The following PFKM variants were observed in gnomAD, a reference collection of about 807,000 sequenced individuals.
The protein encoded by PFKM is ATP-dependent 6-phosphofructokinase, muscle type.
In PFKM, 58 loss-of-function variants were observed where a neutral mutation model predicts 95.5. That is an observed-to-expected ratio of 0.61 (90% CI 0.49 to 0.76). The LOEUF is 0.76. Ranked by LOEUF, PFKM falls within the 30% of genes least tolerant of loss-of-function variation. PFKM has a pLI of 0.00. For synonymous variants in PFKM, 336 were observed against 357.2 expected, an observed-to-expected ratio of 0.94 and a Z score of 0.67; for missense variants, 678 against 1,005.4, an observed-to-expected ratio of 0.67 and a Z score of 4.40.
chr12:48,142,497 A>T, intron 17 of PFKM: 1 of 480,842 alleles, frequency 2.1e-6, no homozygotes. Flanking sequence ...CAGTACCCTG[A>T]ATACCAAATG....
At chr12:48,123,779 AGT>A (rs1217267471) in intron 2 of PFKM, among the ~76,000 whole-genome samples, 3 of 152,230 alleles carry the variant, frequency 2.0e-5, no homozygotes, top group African/African-American at 7.2e-5. Flanking sequence ...AGGAATTTAT[AGT>A]TTAATGAGGA....
At chr12:48,125,337 ATCGGCCAGGTGCAGT>A (rs1948718392) in intron 2 of PFKM, 1 of 449,466 alleles carries the variant, frequency 2.2e-6, no homozygotes, top group African/African-American at 2.0e-5. Flanking sequence ...ATGGGACGGG[ATCGGCCAGGTGCAGT>A]GGCTCACACC....
intron 1 of PFKM, 21 bp from the exon 2 acceptor site, chr12:48,122,746 G>T: frequency 6.2e-7 from 1 of 1,613,680 alleles, no homozygotes; most frequent in South Asian, 1.1e-5. Flanking sequence ...TGTCTTAACT[G>T]ACCATTGTCT....
intron 10 of PFKM, 163 bp from the exon 11 acceptor site, chr12:48,137,558 A>G: frequency 1.4e-6 from 1 of 738,346 alleles, no homozygotes; most frequent in South Asian, 1.6e-5. Flanking sequence ...CTTTAGATGA[A>G]ATCTGTTTGG....
chr12:48,131,585 G>A (rs879461145), intron 4 of PFKM, 192 bp downstream of exon 4: 2 of 637,040 alleles, frequency 3.1e-6, no homozygotes, highest in Non-Finnish European at 5.7e-6. Flanking sequence ...GGGGCAGGGA[G>A]AGGGTGGAGG....
intron 3 of PFKM, 63 bp from the exon 4 acceptor site, chr12:48,131,253 G>A (rs1703420535): frequency 1.7e-5 from 19 of 1,145,936 alleles, no homozygotes; most frequent in Admixed American, 3.4e-5. Context: ...CAGGGATCCT[G>A]TCTTAATCTT....
At chr12:48,113,183 T>A (rs1947359231) in intron 3 of PFKM, among the ~76,000 whole-genome samples, 1 of 152,038 alleles carries the variant, frequency 6.6e-6, no homozygotes, top group East Asian at 1.9e-4. Flanking sequence ...TCACGAGAGT[T>A]GGGGAGTTTT....
chr12:48,141,270 T>C (rs781080267), intron 14 of PFKM, 41 bp from the exon 15 acceptor site: 1 of 1,580,848 alleles, frequency 6.3e-7, no homozygotes. Flanking sequence ...GGCCTCCTAG[T>C]GCTTTAGCCT....
intron 3 of PFKM, among the ~76,000 whole-genome samples, chr12:48,112,725 G>T (rs1421397620): frequency 1.3e-5 from 2 of 152,154 alleles, no homozygotes; most frequent in Non-Finnish European, 2.9e-5. Flanking sequence ...TTGATAAGGC[G>T]CAGATCCTGA....
Position 48,143,828 on chromosome 12 carries a change from GGTTT to G in PFKM, c.1880+18_1880+21del. The G allele has an allele frequency of 6.2e-7, 1 of 1,600,594 alleles. No homozygotes were observed. Among genetic ancestry groups the G allele is most frequent in the African/African-American group, 1.3e-5 (1 of 74,770 alleles). On this transcript the variant is annotated intron_variant, in intron 19 of 22. Coordinates refer to ENST00000359794, the MANE Select transcript of PFKM (RefSeq NM_000289.6). ...CTTGGTGTTAAGGTACCTCATCCAT[GGTTT>G]GTTCCTAAATGAAGAAGAAAAATAA...
intron 11 of PFKM, among the ~76,000 whole-genome samples, 157 bp downstream of exon 11, chr12:48,138,003 T>G (rs1950252508): frequency 6.6e-6 from 1 of 152,216 alleles, no homozygotes; most frequent in South Asian, 2.1e-4. Context: ...CAGTGGGCTT[T>G]GCATAGGAGC....
Position 48,135,031 on chromosome 12 carries a change from T to C in PFKM, c.836T>C (p.Ile279Thr), listed in dbSNP as rs1425754881. Residue 279 changes from isoleucine (I) to threonine (T), a missense_variant, in exon 9 of 23, where the codon ATC becomes ACC. Coordinates refer to ENST00000359794, the MANE Select transcript of PFKM (RefSeq NM_000289.6). ...GGAAAACCAATCACCTCAGAAGACA[T>C]CAAGAATGTTCGTATGAATGAAGCC... Reference protein sequence around the residue: ...KNGKPITSEDIKNLVVKRLGY... With the variant: ...KNGKPITSEDTKNLVVKRLGY... The C allele has an allele frequency of 6.2e-7, 1 of 1,610,158 alleles. No individual in the cohort carries two copies. The highest frequency in any genetic ancestry group is 8.5e-7 in the Non-Finnish European group (1 of 1,176,614).
chr12:48,108,305 C>G, intron 3 of PFKM: 1 of 915,690 alleles, frequency 1.1e-6, no homozygotes. Flanking sequence ...AAATATAAGA[C>G]CCAAGGGGGA....
At chr12:48,111,908 A>G (rs1383829014) in intron 3 of PFKM, among the ~76,000 whole-genome samples, 1 of 152,170 alleles carries the variant, frequency 6.6e-6, no homozygotes, top group Non-Finnish European at 1.5e-5. Flanking sequence ...TAAGGAAGAA[A>G]ATAGATTTTA....
chr12:48,127,805 A>G (rs1194471434), intron 2 of PFKM, among the ~76,000 whole-genome samples: 1 of 152,090 alleles, frequency 6.6e-6, no homozygotes, highest in Non-Finnish European at 1.5e-5. Flanking sequence ...GGGGCCACAG[A>G]CCCCTTTAAG....
intron 2 of PFKM, among the ~76,000 whole-genome samples, chr12:48,128,843 G>A (rs1949120495): frequency 6.6e-6 from 1 of 152,158 alleles, no homozygotes; most frequent in Non-Finnish European, 1.5e-5. Flanking sequence ...GTACTAGAAT[G>A]TCTAAGAGAG....
chr12:48,124,850 T>G (rs1345787014), intron 2 of PFKM, among the ~76,000 whole-genome samples: 1 of 152,148 alleles, frequency 6.6e-6, no homozygotes, highest in African/African-American at 2.4e-5. Flanking sequence ...AGGTCCTAGC[T>G]GAAGGAGAAG....
At chr12:48,122,977 A>C in intron 2 of PFKM, 118 bp downstream of exon 2, 1 of 991,278 alleles carries the variant, frequency 1.0e-6, no homozygotes, top group Non-Finnish European at 1.6e-6. Flanking sequence ...GCTTTGCTAA[A>C]AATTTCTGTG....
At chr12:48,143,873 C>A in intron 19 of PFKM, 59 bp downstream of exon 19, 1 of 1,363,952 alleles carries the variant, frequency 7.3e-7, no homozygotes. Flanking sequence ...GGCTCAAACC[C>A]ATAGAATGGC....
Sources: gnomAD v4.1 joint callset for allele counts (sites outside exome capture counted in the v4.1 genomes callset) on GRCh38, gnomAD v4.1.1 for gene constraint, MANE v1.5 for transcripts, NCBI Gene and HGNC (gene_info 2026-07-23, HGNC 2026-07-21) for gene names.